Variants in RASGEF1B observed in about 807,000 individuals in gnomAD.
RASGEF1B encodes RasGEF domain family member 1B.
A neutral mutation model predicts 65.7 loss-of-function variants in RASGEF1B; 30 were observed. The ratio of observed to expected loss-of-function variants is 0.46; its 90% CI spans 0.34 to 0.62. RASGEF1B has a LOEUF of 0.62. Ranked by LOEUF, RASGEF1B falls within the 20% of genes least tolerant of loss-of-function variation. The pLI, the probability that RASGEF1B is intolerant of heterozygous loss-of-function variation, is 0.01. For missense variants in RASGEF1B, 495 were observed against 580.1 expected, an observed-to-expected ratio of 0.85 and a Z score of 1.51; for synonymous variants, 175 against 194.8, an observed-to-expected ratio of 0.90 and a Z score of 0.85.
intron 1 of RASGEF1B, among the ~76,000 whole-genome samples, chr4:81,466,816 A>AAGAAAGAAAGAAAGAAAGAAAGAT (rs1722850287): frequency 6.7e-6 from 1 of 150,210 alleles, no homozygotes; most frequent in African/African-American, 2.5e-5. Flanking sequence ...GAAAGAAAGA[A>AAGAAAGAAAGAAAGAAAGAAAGAT]AGAAAGAAAA....
intron 10 of RASGEF1B, among the ~76,000 whole-genome samples, chr4:81,436,637 A>C (rs1721641824): frequency 6.6e-6 from 1 of 152,138 alleles, no homozygotes; most frequent in African/African-American, 2.4e-5. Flanking sequence ...AATCCACTAA[A>C]CACCGATCGT....
intron 10 of RASGEF1B, among the ~76,000 whole-genome samples, chr4:81,435,608 A>G (rs1354257636): frequency 6.8e-6 from 1 of 147,526 alleles, no homozygotes; most frequent in Non-Finnish European, 1.5e-5. Flanking sequence ...AGCTGGGACT[A>G]CAGGAACCCA....
chr4:81,442,232 C>G lies in RASGEF1B; in HGVS notation c.1008+65G>C, dbSNP rs1721864060. 6.7e-6 allele frequency: 7 copies of G among 1,052,084 alleles called. No individual in the cohort carries two copies. In the South Asian group the frequency reaches 8.8e-5, roughly 13 times the overall value. 65.2% of individuals were successfully genotyped at this position (1,052,084 alleles called of 1,614,324 possible). ...GTAGTCTGATGGAGAGGCAAGACCA[C>G]ATAAAGGAATTCCACTTTCCAGGTG... is the stretch of plus-strand genomic sequence containing the variant. On this transcript the variant is annotated intron_variant, in intron 9 of 13. Coordinates refer to ENST00000264400, the MANE Select transcript of RASGEF1B (RefSeq NM_152545.3).
intron 1 of RASGEF1B, among the ~76,000 whole-genome samples, chr4:81,469,070 AG>A (rs1006646036): frequency 6.6e-6 from 1 of 152,236 alleles, no homozygotes; most frequent in African/African-American, 2.4e-5. Context: ...AGAATCAAAA[AG>A]GACAACTATA....
intron 10 of RASGEF1B, among the ~76,000 whole-genome samples, chr4:81,438,516 G>A (rs367970656): frequency 4.3e-4 from 66 of 152,324 alleles, no homozygotes; most frequent in African/African-American, 1.6e-3. Context: ...TAGCCTTTGA[G>A]CCCAACTGTA....
At chr4:81,455,702 A>T (rs751367267) in intron 4 of RASGEF1B, 1 of 152,222 alleles carries the variant, frequency 6.6e-6, no homozygotes, top group African/African-American at 2.4e-5. Context: ...GTCCTGCTTC[A>T]AAAAGGATAA....
At position 81,427,707 on chromosome 4, in the gene RASGEF1B, G is replaced by C; in HGVS notation, c.*61C>G. On this transcript the variant is annotated 3_prime_UTR_variant, in exon 14 of 14. Coordinates refer to ENST00000264400, the MANE Select transcript of RASGEF1B (RefSeq NM_152545.3). ...GTGGTACGAGATGCCAGAAAACAAA[G>C]GCCAGCCCCTCCATGATCTGCAGGA... 4 of 1,604,194 alleles carry C rather than the reference G, an allele frequency of 2.5e-6. No homozygotes were observed. The highest frequency in any genetic ancestry group is 2.6e-6 in the Non-Finnish European group (3 of 1,174,190).
chr4:81,439,051 G>A (rs1330822209), intron 10 of RASGEF1B, among the ~76,000 whole-genome samples: 1 of 152,086 alleles, frequency 6.6e-6, no homozygotes, highest in Non-Finnish European at 1.5e-5. Flanking sequence ...AAACATATGT[G>A]TGCATGTGTC....
chr4:81,435,202 G>C (rs1721568195), intron 10 of RASGEF1B, among the ~76,000 whole-genome samples: 1 of 151,860 alleles, frequency 6.6e-6, no homozygotes, highest in Non-Finnish European at 1.5e-5. Context: ...ATGAGGTCAG[G>C]AGATCAAGAC....
chr4:81,460,010 A>G (rs577026492), intron 1 of RASGEF1B, among the ~76,000 whole-genome samples: 150 of 152,378 alleles, frequency 9.8e-4, no homozygotes, highest in African/African-American at 3.3e-3. Flanking sequence ...AAGTAGGCCT[A>G]GAGTTGAAGT....
chr4:81,444,377 C>A (rs1479822900), intron 8 of RASGEF1B, among the ~76,000 whole-genome samples: 1 of 151,784 alleles, frequency 6.6e-6, no homozygotes, highest in Non-Finnish European at 1.5e-5. Context: ...TGAGACTTGG[C>A]CAGTATTTTT....
chr4:81,426,425 C>T lies in RASGEF1B; in HGVS notation c.*1343G>A, dbSNP rs911749482. 1.3e-5 allele frequency: 2 copies of T among 152,082 alleles called. No individual in the cohort carries two copies. Among genetic ancestry groups the T allele is most frequent in the Non-Finnish European group, 2.9e-5 (2 of 68,030 alleles). The allele number at this position is 152,082 out of a possible 1,614,324, so 9.4% of individuals were successfully genotyped here. A position where few individuals can be genotyped will look rare whatever the true frequency, so the allele number is the denominator to read the frequency against. ...CGCAGAGTGTAAAATATATTGATGGCTGTAAAGGGACAACTTGGGGATATT... is the reference window on the plus strand; with the variant it reads ...CGCAGAGTGTAAAATATATTGATGGTTGTAAAGGGACAACTTGGGGATATT... On this transcript the variant is annotated 3_prime_UTR_variant, in exon 14 of 14. Coordinates refer to ENST00000264400, the MANE Select transcript of RASGEF1B (RefSeq NM_152545.3).
At chr4:81,467,040 CAG>C (rs1722864555) in intron 1 of RASGEF1B, among the ~76,000 whole-genome samples, 1 of 150,442 alleles carries the variant, frequency 6.6e-6, no homozygotes, top group African/African-American at 2.5e-5. Flanking sequence ...TGTGAACAGA[CAG>C]AAACTCCAAG....
intron 10 of RASGEF1B, 55 bp downstream of exon 10, chr4:81,440,779 T>C: frequency 8.5e-7 from 1 of 1,175,476 alleles, no homozygotes; most frequent in Non-Finnish European, 1.2e-6. Context: ...ACATAGCATT[T>C]CAGCATAAAA....
intron 3 of RASGEF1B, 76 bp from the exon 4 acceptor site, chr4:81,456,864 G>A (rs989544372): frequency 3.4e-5 from 45 of 1,315,036 alleles, no homozygotes; most frequent in East Asian, 1.2e-4. Context: ...TACAAAGAGC[G>A]TCACTGAGAA....
At chr4:81,456,283 T>C in intron 4 of RASGEF1B, 1 of 565,276 alleles carries the variant, frequency 1.8e-6, no homozygotes. Context: ...TTACTTTGTA[T>C]CCACTAGTGT....
intron 1 of RASGEF1B, 114 bp downstream of exon 1, chr4:81,471,656 C>G (rs1229341728): frequency 6.5e-6 from 1 of 152,770 alleles, no homozygotes; most frequent in Admixed American, 6.5e-5. Flanking sequence ...CCGCTCGCTC[C>G]CCGCGCGGCC....
intron 4 of RASGEF1B, chr4:81,452,744 A>G (rs1359082607): frequency 6.6e-6 from 1 of 152,234 alleles, no homozygotes; most frequent in Admixed American, 6.5e-5. Flanking sequence ...AAATAAAGAT[A>G]GAAGCTCTTA....
chr4:81,449,428 T>A (rs1000490578), intron 4 of RASGEF1B, among the ~76,000 whole-genome samples: 2 of 152,354 alleles, frequency 1.3e-5, no homozygotes, highest in East Asian at 1.9e-4. Flanking sequence ...AATGACTTCA[T>A]AATCCATCAA....
Sources: allele counts gnomAD v4.1 joint callset (sites outside exome capture counted in the v4.1 genomes callset), GRCh38; gene constraint gnomAD v4.1.1; transcripts MANE v1.5; gene names NCBI Gene and HGNC (gene_info 2026-07-23, HGNC 2026-07-21).